NFAT5: variants seen among roughly 807,000 people sequenced by gnomAD.
The protein encoded by NFAT5 is nuclear factor of activated T cells 5, also known as nuclear factor of activated T-cells 5.
In NFAT5, 31 loss-of-function variants were observed where a neutral mutation model predicts 166.5. The observed-to-expected ratio is 0.19, with a 90% CI of 0.14 to 0.25. NFAT5 has a LOEUF of 0.25. NFAT5 is among the 10% of genes least tolerant of loss of function. The probability of loss-of-function intolerance (pLI) is 1.00; values close to 1 mark genes in which losing one functional copy is unlikely to be tolerated. For synonymous variants in NFAT5, 612 were observed against 639.7 expected, an observed-to-expected ratio of 0.96 and a Z score of 0.65; for missense variants, 1,449 against 1,821.8, an observed-to-expected ratio of 0.80 and a Z score of 3.72.
intron 3 of NFAT5, among the ~76,000 whole-genome samples, chr16:69,628,067 G>A (rs567889311): frequency 6.6e-6 from 1 of 152,014 alleles, no homozygotes; most frequent in Non-Finnish European, 1.5e-5. Context: ...AACATCTGTT[G>A]ACGGTAGATC....
At chr16:69,597,844 C>T (rs935938348) in intron 2 of NFAT5, among the ~76,000 whole-genome samples, 26 of 152,068 alleles carry the variant, frequency 1.7e-4, no homozygotes, top group Admixed American at 2.6e-4. Flanking sequence ...CCACCTGCCT[C>T]AGCCTCCCAA....
At chr16:69,596,578 CGTGGTGGCA>C (rs1193746036) in intron 2 of NFAT5, among the ~76,000 whole-genome samples, 5 of 151,856 alleles carry the variant, frequency 3.3e-5, no homozygotes, top group Non-Finnish European at 7.4e-5. Context: ...ATTAGCCGGG[CGTGGTGGCA>C]CGTGCCTGTA....
chr16:69,681,951 TAGGG>T (rs1189961427), intron 10 of NFAT5, among the ~76,000 whole-genome samples: 2 of 149,012 alleles, frequency 1.3e-5, no homozygotes, highest in African/African-American at 4.9e-5. Context: ...AAAGAAAATC[TAGGG>T]ATCCTGGGTG....
chr16:69,592,684 C>T (rs918892251), intron 2 of NFAT5, among the ~76,000 whole-genome samples: 3 of 152,098 alleles, frequency 2.0e-5, no homozygotes, highest in African/African-American at 7.2e-5. Flanking sequence ...GATTACTCCC[C>T]TCAATTCATG....
chr16:69,694,178 G>A lies in NFAT5; in HGVS notation c.4353G>A (p.Leu1451=), dbSNP rs770901898. 6.2e-7 allele frequency: 1 copy of A among 1,614,098 alleles called. No individual in the cohort carries two copies. Among genetic ancestry groups the A allele is most frequent in the South Asian group, 1.1e-5 (1 of 91,082 alleles). Residue 1451 remains leucine, a synonymous_variant, in exon 13 of 15, where the codon CTG becomes CTA. Coordinates refer to ENST00000349945, the MANE Select transcript of NFAT5 (RefSeq NM_138713.4). ...CAGCAGGAGGCACAATGAACCAACT[G>A]CAGAATTCTCCTGGCTCATCTCAGC... ...HNTAGGTMNQ[L]QNSPGSSQQT...
intron 2 of NFAT5, among the ~76,000 whole-genome samples, chr16:69,590,296 A>T (rs926384570): frequency 6.6e-6 from 1 of 152,338 alleles, no homozygotes; most frequent in African/African-American, 2.4e-5. Context: ...TTGTAAATTG[A>T]CAAATCTTGT....
chr16:69,604,005 ATTCT>A (rs1234019129), intron 2 of NFAT5, among the ~76,000 whole-genome samples: 2 of 152,158 alleles, frequency 1.3e-5, no homozygotes, highest in African/African-American at 4.8e-5. Context: ...ATTTGTTTTA[ATTCT>A]TTCTAATAGC....
At chr16:69,602,686 C>T (rs2033196787) in intron 2 of NFAT5, among the ~76,000 whole-genome samples, 1 of 151,494 alleles carries the variant, frequency 6.6e-6, no homozygotes, top group Admixed American at 6.6e-5. Context: ...CTCACTGCAG[C>T]CTCAACCTTC....
In NFAT5 at chr16:69,592,220, C is replaced by T. The variant is rs564246075; in HGVS notation, c.127+23672C>T. On this transcript the variant is annotated intron_variant, in intron 2 of 14. Transcript: ENST00000349945. Reference sequence around the variant, plus strand: ...TCAACCTCCCAAGTAGCTGAGATTACGGGCACCCACCACCACGCCTGGATA... The same window carrying T: ...TCAACCTCCCAAGTAGCTGAGATTATGGGCACCCACCACCACGCCTGGATA... 2.9e-3 allele frequency among the ~76,000 whole-genome samples: 403 copies of T among 139,834 alleles called. 4 individuals are homozygous for T. The highest frequency in any genetic ancestry group is 9.9e-3 in the African/African-American group (375 of 37,720). The allele number at this position is 139,834 out of a possible 152,430, so 91.7% of individuals were successfully genotyped here.
chr16:69,565,988 C>CGGT lies in NFAT5; in HGVS notation c.-311_-309dup, dbSNP rs1426044590. The CGGT allele has an allele frequency of 3.7e-6, 1 of 269,234 alleles. No homozygotes were observed. Among genetic ancestry groups the CGGT allele is most frequent in the Non-Finnish European group, 7.1e-6 (1 of 141,324 alleles). The allele number at this position is 269,234 out of a possible 1,614,324, so 16.7% of individuals were successfully genotyped here. On this transcript the variant is annotated 5_prime_UTR_variant, in exon 1 of 15. Coordinates refer to ENST00000349945, the MANE Select transcript of NFAT5 (RefSeq NM_138713.4). ...CTCAGATTCCTGTCAGCGGCGGCGG[C>CGGT]GGTGGCGGCGACCGTCAGTTTTCGC...
chr16:69,610,331 T>G lies in NFAT5; in HGVS notation c.128-16072T>G, dbSNP rs562717366. ...ATGACAGAAAGGAAAACAAGATGGG[T>G]TTTTTTTGGTTTTTGTTTGTCTAAT... On this transcript the variant is annotated intron_variant, in intron 2 of 14. Coordinates refer to ENST00000349945, the MANE Select transcript of NFAT5 (RefSeq NM_138713.4). Among the ~76,000 whole-genome samples, 24 of 151,716 alleles carry G rather than the reference T, an allele frequency of 1.6e-4. No homozygotes were observed. In the South Asian group the frequency reaches 4.4e-3, roughly 28 times the overall value.
chr16:69,606,428 G>T (rs912596319), intron 2 of NFAT5, among the ~76,000 whole-genome samples: 1 of 152,088 alleles, frequency 6.6e-6, no homozygotes, highest in Admixed American at 6.6e-5. Flanking sequence ...GAAGCCAAAG[G>T]TCTGAGATTT....
chr16:69,611,505 T>C (rs2033700953), intron 2 of NFAT5, among the ~76,000 whole-genome samples: 3 of 152,234 alleles, frequency 2.0e-5, no homozygotes. Flanking sequence ...CAAAATGCCT[T>C]AGGCAAGGTA....
chr16:69,605,053 A>G (rs2033332684), intron 2 of NFAT5, among the ~76,000 whole-genome samples: 1 of 152,174 alleles, frequency 6.6e-6, no homozygotes. Flanking sequence ...TTGACTACCA[A>G]TTTTTAATTC....
chr16:69,689,171 T>C (rs899098443), intron 11 of NFAT5, among the ~76,000 whole-genome samples: 3 of 152,120 alleles, frequency 2.0e-5, no homozygotes, highest in Non-Finnish European at 2.9e-5. Context: ...CAGCTACTTA[T>C]GGGGCTGAGG....
intron 2 of NFAT5, among the ~76,000 whole-genome samples, chr16:69,615,733 T>C (rs1567543081): frequency 2.0e-5 from 3 of 152,206 alleles, no homozygotes; most frequent in Non-Finnish European, 4.4e-5. Context: ...TTTCATCTTA[T>C]TGAGAAACTT....
At chr16:69,656,613 C>G (rs1047328493) in intron 6 of NFAT5, among the ~76,000 whole-genome samples, 1 of 152,120 alleles carries the variant, frequency 6.6e-6, no homozygotes, top group South Asian at 2.1e-4. Flanking sequence ...CCACCACACC[C>G]GGCTAATTTT....
chr16:69,573,322 A>G (rs1356722887), intron 2 of NFAT5, among the ~76,000 whole-genome samples: 1 of 152,220 alleles, frequency 6.6e-6, no homozygotes, highest in Non-Finnish European at 1.5e-5. Flanking sequence ...TAAACATAGT[A>G]GCAATGTTTT....
rs2034865467 is a variant in NFAT5, at chr16:69,634,451, G to C, written c.253+7923G>C. Among the ~76,000 whole-genome samples the C allele has an allele frequency of 3.3e-5, 5 of 151,878 alleles. No individual in the cohort carries two copies. The South Asian group carries it at 8.3e-4, about 25-fold the overall frequency. ...TACTCTTAAAAACTAACAAATATAT[G>C]GGATATATTAGATACTTGATGGATT... is the stretch of plus-strand genomic sequence containing the variant. On this transcript the variant is annotated intron_variant, in intron 3 of 14. Coordinates refer to ENST00000349945, the MANE Select transcript of NFAT5 (RefSeq NM_138713.4).
Sources: gnomAD v4.1 joint callset for allele counts (sites outside exome capture counted in the v4.1 genomes callset) on GRCh38, gnomAD v4.1.1 for gene constraint, MANE v1.5 for transcripts, NCBI Gene and HGNC (gene_info 2026-07-23, HGNC 2026-07-21) for gene names.